Variants in FRAS1 observed in about 807,000 individuals in gnomAD.
FRAS1 encodes the protein Fraser extracellular matrix complex subunit 1.
A neutral mutation model predicts 435.2 loss-of-function variants in FRAS1; 290 were observed. That is an observed-to-expected ratio of 0.67 (90% confidence interval 0.61 to 0.73). The LOEUF (loss-of-function observed/expected upper bound fraction) is 0.73. Ranked by LOEUF, FRAS1 falls within the 30% of genes least tolerant of loss-of-function variation. The pLI is 0.00. For synonymous variants in FRAS1, 1,800 were observed against 1,851.0 expected, an observed-to-expected ratio of 0.97 and a Z score of 0.71; for missense variants, 4,860 against 5,001.5, an observed-to-expected ratio of 0.97 and a Z score of 0.85.
At chr4:78,482,819 G>A (rs1720053402) in intron 58 of FRAS1, among the ~76,000 whole-genome samples, 3 of 151,888 alleles carry the variant, frequency 2.0e-5, no homozygotes, top group Admixed American at 2.0e-4. Context: ...CTTAAAGAGA[G>A]AAATTGGAAT....
At chr4:78,446,678 T>G (rs753494068) in intron 42 of FRAS1, 49 bp from the exon 43 acceptor site, 1 of 1,576,704 alleles carries the variant, frequency 6.3e-7, no homozygotes, top group African/African-American at 1.4e-5. Context: ...GTGCATTTTC[T>G]TTCTTCTTAA....
intron 2 of FRAS1, among the ~76,000 whole-genome samples, chr4:78,103,992 C>A (rs998828217): frequency 2.6e-5 from 4 of 152,178 alleles, no homozygotes; most frequent in African/African-American, 9.7e-5. Flanking sequence ...TTTATTGGGA[C>A]CAGTAGAATG....
chr4:78,511,688 A>C lies in FRAS1; in HGVS notation c.10013+182A>C, dbSNP rs1301450407. 8 of 656,720 alleles carry C rather than the reference A, an allele frequency of 1.2e-5. No homozygotes were observed. The African/African-American group carries it at 1.2e-4, about 10-fold the overall frequency. The allele number at this position is 656,720 out of a possible 1,614,324, so 40.7% of individuals were successfully genotyped here. ...GCTCGGGCCCCCTGCCTATCTTCCT[A>C]GTCTTTCTCTCACCTTGTCATTTTC... On this transcript the variant is annotated intron_variant, in intron 64 of 73. Transcript: ENST00000512123.
At chr4:78,318,650 A>G (rs1296159407) in intron 17 of FRAS1, among the ~76,000 whole-genome samples, 160 bp from the exon 18 acceptor site, 4 of 152,218 alleles carry the variant, frequency 2.6e-5, no homozygotes, top group Non-Finnish European at 5.9e-5. Flanking sequence ...TTCCTTTCAC[A>G]AACATTATTA....
intron 27 of FRAS1, among the ~76,000 whole-genome samples, chr4:78,381,074 T>C (rs1371095150): frequency 1.3e-5 from 2 of 152,202 alleles, no homozygotes; most frequent in Non-Finnish European, 2.9e-5. Context: ...AACATGTGTG[T>C]GCAGAGCTGA....
At position 78,265,099 on chromosome 4, in the gene FRAS1, A is replaced by G; in HGVS notation, c.678A>G (p.Gln226=). The change falls in exon 7 of 74, where the codon CAA becomes CAG. Residue 226 remains glutamine (Q), a synonymous_variant. Coordinates refer to ENST00000512123, the MANE Select transcript of FRAS1 (RefSeq NM_025074.7). ...CSARSCSAAG[Q]VYEHGEQWSE... is the part of the protein sequence containing the mutation. ...CAAGATCCTGCTCTGCAGCTGGCCA[A>G]GTATACGAGGTAAGCTTTCATGCTC... 6.2e-7 allele frequency: 1 copy of G among 1,611,908 alleles called. No individual in the cohort carries two copies. The highest frequency in any genetic ancestry group is 1.1e-5 in the South Asian group (1 of 90,696).
intron 2 of FRAS1, among the ~76,000 whole-genome samples, chr4:78,219,149 T>A (rs1158635649): frequency 6.6e-6 from 1 of 152,174 alleles, no homozygotes; most frequent in African/African-American, 2.4e-5. Flanking sequence ...TATTTAATGT[T>A]CTTATTAGGG....
At chr4:78,477,238 T>A (rs527773275) in intron 54 of FRAS1, among the ~76,000 whole-genome samples, 1 of 152,240 alleles carries the variant, frequency 6.6e-6, no homozygotes. Context: ...AATATGGTGA[T>A]ACTAATGATA....
chr4:78,410,348 A>T (rs917283949), intron 31 of FRAS1, among the ~76,000 whole-genome samples: 9 of 151,898 alleles, frequency 5.9e-5, no homozygotes, highest in Non-Finnish European at 1.0e-4. Flanking sequence ...TACCCTGTCC[A>T]TTGGAGTTAT....
At chr4:78,246,966 T>C (rs13107378) in intron 4 of FRAS1, among the ~76,000 whole-genome samples, 44,180 of 152,146 alleles carry the variant, frequency 0.29, 7,036 homozygotes, top group East Asian at 0.38. Context: ...TACCTGGCAC[T>C]TAGCACTGAA....
intron 4 of FRAS1, among the ~76,000 whole-genome samples, chr4:78,249,717 A>G (rs1725444530): frequency 1.3e-5 from 2 of 152,334 alleles, no homozygotes; most frequent in South Asian, 2.1e-4. Context: ...TAATAAATTT[A>G]CATGATCAGA....
At chr4:78,472,889 G>A (rs923844551) in intron 52 of FRAS1, among the ~76,000 whole-genome samples, 2 of 152,102 alleles carry the variant, frequency 1.3e-5, no homozygotes, top group African/African-American at 4.8e-5. Flanking sequence ...TTGCAAAACT[G>A]CATCTCAAAA....
intron 9 of FRAS1, among the ~76,000 whole-genome samples, chr4:78,268,785 T>C (rs1252200470): frequency 1.3e-5 from 2 of 152,244 alleles, no homozygotes; most frequent in Non-Finnish European, 2.9e-5. Flanking sequence ...TATCATGGCA[T>C]GAGCCAGGCA....
chr4:78,203,867 C>T (rs916434988), intron 2 of FRAS1, among the ~76,000 whole-genome samples: 7 of 152,232 alleles, frequency 4.6e-5, no homozygotes, highest in Non-Finnish European at 1.5e-5. Flanking sequence ...CACACCTGGC[C>T]TCCTCTTGTT....
At chr4:78,265,316 G>T (rs1726296683) in intron 7 of FRAS1, among the ~76,000 whole-genome samples, 2 of 152,166 alleles carry the variant, frequency 1.3e-5, no homozygotes, top group Non-Finnish European at 2.9e-5. Context: ...AAAGGAATGT[G>T]CTGGCAAGCA....
chr4:78,381,600 T>C (rs1316017989), intron 27 of FRAS1, among the ~76,000 whole-genome samples: 2 of 152,258 alleles, frequency 1.3e-5, no homozygotes, highest in East Asian at 3.8e-4. Context: ...TATTCTTAAG[T>C]ATTTCTATCA....
chr4:78,147,368 A>G (rs1302907738), intron 2 of FRAS1, among the ~76,000 whole-genome samples: 1 of 152,192 alleles, frequency 6.6e-6, no homozygotes, highest in African/African-American at 2.4e-5. Flanking sequence ...CCCTAATGAA[A>G]TCACATAGGC....
intron 2 of FRAS1, among the ~76,000 whole-genome samples, chr4:78,187,459 T>G (rs1722320820): frequency 6.6e-6 from 1 of 152,166 alleles, no homozygotes; most frequent in South Asian, 2.1e-4. Context: ...GCCTCAGGCC[T>G]CAGGTGTCCT....
intron 29 of FRAS1, among the ~76,000 whole-genome samples, chr4:78,397,831 C>G (rs1444313595): frequency 2.0e-5 from 3 of 152,190 alleles, no homozygotes; most frequent in Non-Finnish European, 4.4e-5. Flanking sequence ...TCACTTCAAT[C>G]TTACTTTCCT....
Sources: allele counts gnomAD v4.1 joint callset (sites outside exome capture counted in the v4.1 genomes callset), GRCh38; gene constraint gnomAD v4.1.1; transcripts MANE v1.5; gene names NCBI Gene and HGNC (gene_info 2026-07-23, HGNC 2026-07-21).